The following GRID2 variants were observed in gnomAD, a reference collection of about 807,000 sequenced individuals.
GRID2 encodes the protein glutamate receptor ionotropic, delta-2.
In GRID2, 33 loss-of-function variants were observed where a neutral mutation model predicts 114.8. That is an observed-to-expected ratio of 0.29 (90% CI 0.22 to 0.38). The LOEUF is 0.38. Ranked by LOEUF, GRID2 falls within the 10% of genes least tolerant of loss-of-function variation. The pLI is 1.00. For synonymous variants in GRID2, 505 were observed against 449.9 expected, an observed-to-expected ratio of 1.12 and a Z score of -1.55; for missense variants, 1,184 against 1,257.7, an observed-to-expected ratio of 0.94 and a Z score of 0.89.
intron 1 of GRID2, among the ~76,000 whole-genome samples, chr4:92,493,494 C>A (rs1315414600): frequency 1.3e-5 from 2 of 152,152 alleles, no homozygotes; most frequent in Admixed American, 6.6e-5. Context: ...CTGAGACTAA[C>A]CTTCAATTAA....
At chr4:93,680,047 A>C (rs1349110269) in intron 14 of GRID2, among the ~76,000 whole-genome samples, 1 of 151,176 alleles carries the variant, frequency 6.6e-6, no homozygotes, top group Non-Finnish European at 1.5e-5. Flanking sequence ...TAATAAAGAA[A>C]AAAAGAGAGA....
intron 2 of GRID2, among the ~76,000 whole-genome samples, chr4:92,918,842 G>T (rs1560699779): frequency 6.6e-6 from 1 of 152,236 alleles, no homozygotes; most frequent in East Asian, 1.9e-4. Context: ...CCAGACTTTG[G>T]TATCAGGATG....
chr4:93,509,271 G>T (rs1296876115), intron 12 of GRID2, among the ~76,000 whole-genome samples: 1 of 152,040 alleles, frequency 6.6e-6, no homozygotes, highest in East Asian at 1.9e-4. Context: ...AGGCAAAGAT[G>T]GTGACAGATT....
At chr4:93,235,118 A>G (rs146110694) in intron 7 of GRID2, among the ~76,000 whole-genome samples, 89 of 152,152 alleles carry the variant, frequency 5.8e-4, no homozygotes, top group Non-Finnish European at 1.1e-3. Flanking sequence ...GAAACTCATT[A>G]TCCAGTGGTA....
intron 1 of GRID2, among the ~76,000 whole-genome samples, chr4:92,560,653 CT>C (rs756322671): frequency 9.2e-5 from 14 of 152,092 alleles, no homozygotes; most frequent in Non-Finnish European, 2.1e-4. Context: ...ATTTATCTCA[CT>C]TATATCCTAC....
rs549704291 is a variant in GRID2 at position 92,628,303 on chromosome 4, T to C, written c.244+38017T>C. 2.6e-5 allele frequency among the ~76,000 whole-genome samples: 4 copies of C among 152,178 alleles called. No homozygotes were observed. In the South Asian group the frequency reaches 8.3e-4, roughly 32 times the overall value. ...ATGTGGCATGGGAGAGGGAAAAAGATGACAGCAGTAAAAGATTAAGAAGGG... is the reference window on the plus strand; with the variant it reads ...ATGTGGCATGGGAGAGGGAAAAAGACGACAGCAGTAAAAGATTAAGAAGGG... On this transcript the variant is annotated intron_variant, in intron 2 of 15. Coordinates refer to ENST00000282020, the MANE Select transcript of GRID2 (RefSeq NM_001510.4).
At chr4:92,560,387 T>G (rs1727050018) in intron 1 of GRID2, among the ~76,000 whole-genome samples, 1 of 152,198 alleles carries the variant, frequency 6.6e-6, no homozygotes. Context: ...TTCCTCTCTC[T>G]TTTGAAGCCT....
At chr4:92,411,625 ATGTG>A (rs751440294) in intron 1 of GRID2, among the ~76,000 whole-genome samples, 1,173 of 105,644 alleles carry the variant, frequency 0.011, 23 homozygotes, top group South Asian at 0.041. Context: ...ATATATATGC[ATGTG>A]TGTGTGTGTG....
intron 2 of GRID2, among the ~76,000 whole-genome samples, chr4:92,879,721 A>C (rs1417876954): frequency 6.6e-6 from 1 of 152,238 alleles, no homozygotes; most frequent in Non-Finnish European, 1.5e-5. Flanking sequence ...CAAAAGGAAA[A>C]ATAAGCTTTA....
intron 8 of GRID2, among the ~76,000 whole-genome samples, chr4:93,287,961 TTC>T (rs1753353727): frequency 6.6e-6 from 1 of 152,196 alleles, no homozygotes; most frequent in African/African-American, 2.4e-5. Context: ...TATTCTCCCT[TTC>T]TCTACCTTGC....
chr4:93,188,224 G>A, intron 4 of GRID2, among the ~76,000 whole-genome samples: 1 of 152,202 alleles, frequency 6.6e-6, no homozygotes, highest in East Asian at 1.9e-4. Flanking sequence ...ACTCTCTGGA[G>A]CTTCATTTGA....
intron 2 of GRID2, among the ~76,000 whole-genome samples, chr4:92,827,721 A>G (rs1039808578): frequency 2.0e-5 from 3 of 152,102 alleles, no homozygotes; most frequent in Admixed American, 1.3e-4. Context: ...AACGAATAAA[A>G]AAATGAATTA....
chr4:92,889,852 T>C (rs1288844842), intron 2 of GRID2, among the ~76,000 whole-genome samples: 2 of 152,044 alleles, frequency 1.3e-5, no homozygotes, highest in Non-Finnish European at 2.9e-5. Flanking sequence ...CATTGCACTA[T>C]CTAACTTCAA....
intron 1 of GRID2, among the ~76,000 whole-genome samples, chr4:93,800,141 G>C (rs543366086): frequency 6.6e-6 from 1 of 152,300 alleles, no homozygotes; most frequent in East Asian, 1.9e-4. Flanking sequence ...TCACAGGAAA[G>C]AGGTAGGAAA....
At chr4:92,466,964 G>A (rs1721787035) in intron 1 of GRID2, among the ~76,000 whole-genome samples, 1 of 151,644 alleles carries the variant, frequency 6.6e-6, no homozygotes, top group Non-Finnish European at 1.5e-5. Flanking sequence ...GGTGTAGAGA[G>A]ACTCAATTTG....
intron 4 of GRID2, among the ~76,000 whole-genome samples, chr4:93,137,116 C>T (rs1735331338): frequency 6.6e-6 from 1 of 152,060 alleles, no homozygotes; most frequent in Non-Finnish European, 1.5e-5. Flanking sequence ...TGAAATTAAG[C>T]TTATAACTGT....
intron 2 of GRID2, among the ~76,000 whole-genome samples, chr4:92,804,286 T>G (rs1578213221): frequency 6.6e-6 from 1 of 152,038 alleles, no homozygotes; most frequent in East Asian, 1.9e-4. Flanking sequence ...ATTTAATTAT[T>G]GTATTTTACA....
chr4:93,366,503 C>G (rs889750281), intron 8 of GRID2, among the ~76,000 whole-genome samples: 6 of 152,026 alleles, frequency 3.9e-5, no homozygotes, highest in Non-Finnish European at 8.8e-5. Flanking sequence ...GACAATGGTG[C>G]CTGAAACTTC....
chr4:92,876,587 G>C (rs528019402), intron 2 of GRID2, among the ~76,000 whole-genome samples: 17 of 152,118 alleles, frequency 1.1e-4, no homozygotes, highest in Non-Finnish European at 2.2e-4. Flanking sequence ...TTACAGGCGT[G>C]AGCCACCGCA....
Sources: gnomAD v4.1 joint callset for allele counts (sites outside exome capture counted in the v4.1 genomes callset) on GRCh38, gnomAD v4.1.1 for gene constraint, MANE v1.5 for transcripts, NCBI Gene and HGNC (gene_info 2026-07-23, HGNC 2026-07-21) for gene names.